The following YLPM1 variants were observed in gnomAD, a reference collection of about 807,000 sequenced individuals.
The protein encoded by YLPM1 is YLP motif containing 1.
A neutral mutation model predicts 230.0 loss-of-function variants in YLPM1; 99 were observed. The observed-to-expected ratio is 0.43, with a 90% CI of 0.37 to 0.51. YLPM1 has a LOEUF of 0.51. YLPM1 is among the 20% of genes least tolerant of loss of function. The pLI, the probability that YLPM1 is intolerant of heterozygous loss-of-function variation, is 0.00. For missense variants in YLPM1, 2,592 were observed against 2,707.7 expected, an observed-to-expected ratio of 0.96 and a Z score of 0.95; for synonymous variants, 984 against 942.5, an observed-to-expected ratio of 1.04 and a Z score of -0.81.
At chr14:74,833,722 T>C (rs1433726247) in intron 19 of YLPM1, among the ~76,000 whole-genome samples, 2 of 152,216 alleles carry the variant, frequency 1.3e-5, no homozygotes, top group East Asian at 3.8e-4. Context: ...GAAAGTCAGA[T>C]GTTACCAGTT....
At chr14:74,832,969 TTTAAC>T (rs2091619123) in intron 19 of YLPM1, among the ~76,000 whole-genome samples, 1 of 152,016 alleles carries the variant, frequency 6.6e-6, no homozygotes, top group Admixed American at 6.5e-5. Context: ...GATAAGTATA[TTTAAC>T]TATGTGCTGA....
At position 74,798,892 on chromosome 14, in the gene YLPM1, C is replaced by A. The variant is rs1247515272; in HGVS notation, c.3595C>A (p.Arg1199=). The change falls in exon 5 of 21, where the codon CGA becomes AGA. Residue 1199 remains arginine (R), a synonymous_variant. Transcript: ENST00000325680. ...PRAPWNHGEE[R]GHEEFPLDGR... ...GGCTCCATGGAACCATGGAGAAGAG[C>A]GAGGGCATGAAGAGTTTCCATTAGA... 1 of 1,613,676 alleles carries A rather than the reference C, an allele frequency of 6.2e-7. No individual in the cohort carries two copies. Among genetic ancestry groups the A allele is most frequent in the South Asian group, 1.1e-5 (1 of 91,062 alleles).
chr14:74,791,102 C>A (rs1475326543), intron 4 of YLPM1, among the ~76,000 whole-genome samples: 2 of 151,970 alleles, frequency 1.3e-5, no homozygotes, highest in Non-Finnish European at 2.9e-5. Flanking sequence ...ATTATCCGAG[C>A]CTGGTGACAT....
Position 74,798,389 on chromosome 14 carries a change from C to T in YLPM1, c.3092C>T (p.Thr1031Ile). The change falls in exon 5 of 21, where the codon ACA becomes ATA. Residue 1031 changes from threonine (T) to isoleucine (I), a missense_variant. By Grantham distance (89) the Thr-to-Ile change is moderately conservative. Around this residue, in one of 4 missense-constraint regions of YLPM1, gnomAD observed 1,862 missense variants for 1,819.8 expected, o/e 1.02. Coordinates refer to ENST00000325680, the MANE Select transcript of YLPM1 (RefSeq NM_019589.3). ...CCTGGGCAAAGCAGAATGGAAGACA[C>T]ACGGGATAAAGGTCTAGTAAACAGA... ...RGPGQSRMED[T>I]RDKGLVNRGR... The T allele has an allele frequency of 6.2e-7, 1 of 1,613,950 alleles. No homozygotes were observed. Among genetic ancestry groups the T allele is most frequent in the Non-Finnish European group, 8.5e-7 (1 of 1,179,900 alleles).
At chr14:74,831,335 TG>T (rs1179210894) in intron 19 of YLPM1, among the ~76,000 whole-genome samples, 1 of 152,170 alleles carries the variant, frequency 6.6e-6, no homozygotes, top group Non-Finnish European at 1.5e-5. Context: ...CTTCAAAGGA[TG>T]GGTAAGGGAG....
chr14:74,800,681 A>G lies in YLPM1; in HGVS notation c.4400+984A>G, dbSNP rs150972275. Among the ~76,000 whole-genome samples, 17 of 152,360 alleles carry G rather than the reference A, an allele frequency of 1.1e-4. No homozygotes were observed. In the East Asian group the frequency reaches 1.7e-3, roughly 16 times the overall value. On this transcript the variant is annotated intron_variant, in intron 5 of 20. Coordinates refer to ENST00000325680, the MANE Select transcript of YLPM1 (RefSeq NM_019589.3). Reference sequence around the variant, plus strand: ...ATACGGTGAAGAAAAGGTAATGATGAAAGACCAGATACGGCAGGTTTGTAT... The same window carrying G: ...ATACGGTGAAGAAAAGGTAATGATGGAAGACCAGATACGGCAGGTTTGTAT...
intron 1 of YLPM1, among the ~76,000 whole-genome samples, chr14:74,767,481 G>C (rs185180317): frequency 6.6e-6 from 1 of 152,308 alleles, no homozygotes; most frequent in East Asian, 1.9e-4. Flanking sequence ...CGGCACTATG[G>C]ACATTTTGGG....
At chr14:74,825,936 A>G (rs905993498) in intron 18 of YLPM1, among the ~76,000 whole-genome samples, 2 of 152,256 alleles carry the variant, frequency 1.3e-5, no homozygotes, top group South Asian at 2.1e-4. Flanking sequence ...ATTTCTTGGA[A>G]TTTCTGGAAA....
At chr14:74,811,383 T>C (rs1308260210) in intron 9 of YLPM1, among the ~76,000 whole-genome samples, 1 of 151,782 alleles carries the variant, frequency 6.6e-6, no homozygotes, top group East Asian at 2.0e-4. Flanking sequence ...CTCAGGAGGC[T>C]GAGATGGGAG....
At chr14:74,824,052 T>C (rs931490029) in intron 17 of YLPM1, 7 of 562,194 alleles carry the variant, frequency 1.2e-5, no homozygotes, top group Non-Finnish European at 1.6e-5. Flanking sequence ...GTGACTACTC[T>C]GAAATGTGGA....
intron 19 of YLPM1, chr14:74,834,980 G>T: frequency 3.4e-6 from 1 of 295,666 alleles, no homozygotes; most frequent in Non-Finnish European, 6.3e-6. Context: ...AAAAAAATGA[G>T]GTCAGTGAAT....
At position 74,781,674 on chromosome 14, in the gene YLPM1, C is replaced by T; in HGVS notation, c.1631C>T (p.Pro544Leu). Reference sequence around the variant, plus strand: ...CCAGTGTTGCCTCCTTCATTGCCACCACCAGTGATGCCCCCTGCCCTCCCT... The same window carrying T: ...CCAGTGTTGCCTCCTTCATTGCCACTACCAGTGATGCCCCCTGCCCTCCCT... ...PPPVLPPSLP[P>L]PVMPPALPAT... is the part of the protein sequence containing the mutation. Residue 544 changes from proline (P) to leucine (L), a missense_variant, in exon 4 of 21, where the codon CCA (proline) becomes CTA (leucine). By Grantham distance (98) the Pro-to-Leu change is moderately conservative. Transcript: ENST00000325680. The T allele has an allele frequency of 6.2e-7, 1 of 1,613,256 alleles. No individual in the cohort carries two copies. The highest frequency in any genetic ancestry group is 8.5e-7 in the Non-Finnish European group (1 of 1,179,658).
intron 4 of YLPM1, among the ~76,000 whole-genome samples, chr14:74,793,686 CTGAT>C (rs1449491956): frequency 1.3e-5 from 2 of 152,094 alleles, no homozygotes; most frequent in East Asian, 1.9e-4. Flanking sequence ...CACTGACAAA[CTGAT>C]TGGGAGCTCT....
Position 74,781,603 on chromosome 14 carries a change from T to C in YLPM1, c.1560T>C (p.Phe520=). The C allele has an allele frequency of 1.2e-6, 2 of 1,613,948 alleles. No individual in the cohort carries two copies. The highest frequency in any genetic ancestry group is 8.5e-7 in the Non-Finnish European group (1 of 1,179,882). Residue 520 remains phenylalanine (F), a synonymous_variant, in exon 4 of 21, where the codon TTT becomes TTC. Transcript: ENST00000325680. ...YMGNMSMPPP[F]VPYSQMPPPL... Reference sequence around the variant, plus strand: ...GGAACATGTCAATGCCACCTCCTTTTGTTCCATATTCTCAGATGCCTCCAC... The same window carrying C: ...GGAACATGTCAATGCCACCTCCTTTCGTTCCATATTCTCAGATGCCTCCAC...
chr14:74,769,271 T>TG (rs1263950164), intron 1 of YLPM1, among the ~76,000 whole-genome samples: 1 of 96,572 alleles, frequency 1.0e-5, no homozygotes, highest in Non-Finnish European at 1.8e-5. Flanking sequence ...TTTTTTTTTT[T>TG]TTTTTTTTTT....
intron 5 of YLPM1, 90 bp from the exon 6 acceptor site, chr14:74,802,466 G>C: frequency 7.0e-7 from 1 of 1,437,368 alleles, no homozygotes; most frequent in East Asian, 2.5e-5. Flanking sequence ...GATTTTTTAG[G>C]TCTCCTTTTT....
At chr14:74,777,576 A>AT (rs1450230614) in intron 1 of YLPM1, among the ~76,000 whole-genome samples, 9 of 152,026 alleles carry the variant, frequency 5.9e-5, no homozygotes, top group South Asian at 2.1e-4. Flanking sequence ...CAAAAAAAAA[A>AT]AAATAAATAA....
chr14:74,806,491 C>T (rs2091379801), intron 6 of YLPM1, among the ~76,000 whole-genome samples: 2 of 152,158 alleles, frequency 1.3e-5, no homozygotes, highest in Admixed American at 6.5e-5. Flanking sequence ...ACTAGGGAGA[C>T]TGAGGCAGGA....
intron 1 of YLPM1, among the ~76,000 whole-genome samples, chr14:74,765,665 A>G (rs2090904900): frequency 6.6e-6 from 1 of 152,180 alleles, no homozygotes; most frequent in East Asian, 1.9e-4. Flanking sequence ...TAGGACATTT[A>G]TATTCTCACT....
Sources: allele counts gnomAD v4.1 joint callset (sites outside exome capture counted in the v4.1 genomes callset), GRCh38; gene constraint gnomAD v4.1.1; regional missense constraint gnomAD v4.1.1; transcripts MANE v1.5; gene names NCBI Gene and HGNC (gene_info 2026-07-23, HGNC 2026-07-21).